CLSTN2: variants seen among roughly 807,000 people sequenced by gnomAD.
CLSTN2 encodes calsyntenin-2.
A neutral mutation model predicts 101.2 loss-of-function variants in CLSTN2; 48 were observed. That is an observed-to-expected ratio of 0.47 (90% CI 0.38 to 0.60). The LOEUF (loss-of-function observed/expected upper bound fraction) is 0.60, where lower values mean the gene tolerates loss of function less well. Among genes scored for constraint, CLSTN2 ranks in the 20% least tolerant of loss-of-function variants. The pLI, the probability that CLSTN2 is intolerant of heterozygous loss-of-function variation, is 0.00. For missense variants in CLSTN2, 1,160 were observed against 1,238.2 expected, an observed-to-expected ratio of 0.94 and a Z score of 0.95; for synonymous variants, 481 against 463.6, an observed-to-expected ratio of 1.04 and a Z score of -0.48.
chr3:139,975,239 G>A (rs558854021), intron 1 of CLSTN2, among the ~76,000 whole-genome samples: 23 of 152,250 alleles, frequency 1.5e-4, no homozygotes, highest in African/African-American at 5.1e-4. Context: ...TGGGAGGTAG[G>A]GCTGAGGAAG....
chr3:140,539,678 T>C (rs349549), intron 9 of CLSTN2, among the ~76,000 whole-genome samples: 68,587 of 152,082 alleles, frequency 0.45, 17,749 homozygotes, highest in African/African-American at 0.73. Flanking sequence ...ACGCAGCCAG[T>C]GCAGTGCTGA....
intron 12 of CLSTN2, among the ~76,000 whole-genome samples, chr3:140,559,622 C>T (rs1935870207): frequency 6.6e-6 from 1 of 151,956 alleles, no homozygotes. Context: ...GGAAGAAAAC[C>T]TCCCTTTTGT....
At chr3:140,206,185 G>T (rs1341175181) in intron 2 of CLSTN2, among the ~76,000 whole-genome samples, 2 of 152,168 alleles carry the variant, frequency 1.3e-5, no homozygotes, top group Non-Finnish European at 2.9e-5. Context: ...AAGTTGGGAG[G>T]GTGTATTATC....
At chr3:140,224,775 C>CA (rs1489596824) in intron 2 of CLSTN2, among the ~76,000 whole-genome samples, 3 of 152,154 alleles carry the variant, frequency 2.0e-5, no homozygotes, top group African/African-American at 7.2e-5. Flanking sequence ...CACCATTCCC[C>CA]AAACTTATGT....
chr3:140,001,607 T>C (rs2006842137), intron 1 of CLSTN2, among the ~76,000 whole-genome samples: 1 of 152,194 alleles, frequency 6.6e-6, no homozygotes, highest in African/African-American at 2.4e-5. Flanking sequence ...CATTTATCCT[T>C]TGTGTTACAA....
rs185783837 is a variant in CLSTN2, at chr3:140,204,354, C to T, written c.232+28281C>T. On this transcript the variant is annotated intron_variant, in intron 2 of 16. Transcript: ENST00000458420. ...CTGTCCCTTTCTCTCCAAACTTGCA[C>T]GAGTTACTCACCCTTTCTCTGTGCC... Among the ~76,000 whole-genome samples the T allele has an allele frequency of 2.5e-4, 38 of 152,248 alleles. No individual in the cohort carries two copies. The East Asian group carries it at 6.8e-3, about 27-fold the overall frequency.
chr3:140,209,747 C>T (rs536208230), intron 2 of CLSTN2, among the ~76,000 whole-genome samples: 2 of 152,218 alleles, frequency 1.3e-5, no homozygotes, highest in Non-Finnish European at 2.9e-5. Flanking sequence ...GGGCTAGAAA[C>T]TGGAGAGGAC....
chr3:140,249,177 C>A (rs923816727), intron 2 of CLSTN2, among the ~76,000 whole-genome samples: 4 of 152,130 alleles, frequency 2.6e-5, no homozygotes, highest in African/African-American at 9.7e-5. Flanking sequence ...CCAGTGTAAG[C>A]CTTACTCTAA....
intron 2 of CLSTN2, among the ~76,000 whole-genome samples, chr3:140,398,568 A>G (rs1000333891): frequency 6.6e-5 from 10 of 152,196 alleles, no homozygotes; most frequent in African/African-American, 2.4e-4. Flanking sequence ...GACAGAGCAC[A>G]CTCAGAACCA....
intron 1 of CLSTN2, among the ~76,000 whole-genome samples, chr3:140,149,367 C>G (rs113766070): frequency 0.01 from 1,524 of 152,282 alleles, 17 homozygotes; most frequent in African/African-American, 0.035. Flanking sequence ...CTGAAATCAC[C>G]TTGTAGATAG....
intron 8 of CLSTN2, among the ~76,000 whole-genome samples, chr3:140,485,620 G>C (rs12633853): frequency 6.6e-6 from 1 of 152,026 alleles, no homozygotes; most frequent in Non-Finnish European, 1.5e-5. Context: ...CGAGCTTCCC[G>C]GCTGCTTTGT....
In CLSTN2 at chr3:140,459,767, CCGG is replaced by C. The variant is rs1355655181; in HGVS notation, c.1221_1222+1del. 6.2e-7 allele frequency: 1 copy of C among 1,611,588 alleles called. No homozygotes were observed. Among genetic ancestry groups the C allele is most frequent in the Non-Finnish European group, 8.5e-7 (1 of 1,179,268 alleles). ...ACCATCCTCTGCAACTCAGACAAAA[CCGG>C]TGAGTCTCTAGCCCAGCCCTTCCAC... On this transcript the variant is annotated splice_donor_variant and coding_sequence_variant, in exon 7 of 17. Transcript: ENST00000458420. LOFTEE classifies it high-confidence loss of function.
At chr3:140,055,622 A>G (rs577158969) in intron 1 of CLSTN2, among the ~76,000 whole-genome samples, 3 of 152,350 alleles carry the variant, frequency 2.0e-5, no homozygotes, top group African/African-American at 7.2e-5. Context: ...CAATAAAACT[A>G]AAGCGTTCAG....
chr3:140,029,306 C>G (rs371979252), intron 1 of CLSTN2, among the ~76,000 whole-genome samples: 51 of 152,092 alleles, frequency 3.4e-4, no homozygotes, highest in African/African-American at 1.1e-3. Context: ...TTTGCCAATT[C>G]TTTTCCTACA....
chr3:139,937,508 G>C (rs1935044623), intron 1 of CLSTN2, among the ~76,000 whole-genome samples: 1 of 151,412 alleles, frequency 6.6e-6, no homozygotes, highest in African/African-American at 2.4e-5. Flanking sequence ...AGGCCGAGGC[G>C]GGCGGATCAC....
chr3:140,143,871 T>G (rs2009740228), intron 1 of CLSTN2, among the ~76,000 whole-genome samples: 1 of 152,240 alleles, frequency 6.6e-6, no homozygotes, highest in South Asian at 2.1e-4. Flanking sequence ...GCTGTCTCAC[T>G]CACAAAGTGC....
intron 5 of CLSTN2, among the ~76,000 whole-genome samples, chr3:140,438,300 T>G (rs1293103681): frequency 6.6e-6 from 1 of 151,898 alleles, no homozygotes; most frequent in African/African-American, 2.4e-5. Flanking sequence ...GGTATCAGTG[T>G]ATTCAACAGA....
rs1425441461 is a variant in CLSTN2 at position 140,054,787 on chromosome 3, G to A, written c.109+119304G>A. On this transcript the variant is annotated intron_variant, in intron 1 of 16. Coordinates refer to ENST00000458420, the MANE Select transcript of CLSTN2 (RefSeq NM_022131.3). ...TACTGTTAACTGTTTATCAAAGGTA[G>A]ACTTTTTGGGGTAGGAAAAAGGAGA... Among the ~76,000 whole-genome samples the A allele has an allele frequency of 5.9e-5, 9 of 152,310 alleles. No homozygotes were observed. The East Asian group carries it at 1.5e-3, about 26-fold the overall frequency.
At chr3:140,550,026 A>G (rs1935674890) in intron 10 of CLSTN2, among the ~76,000 whole-genome samples, 1 of 150,768 alleles carries the variant, frequency 6.6e-6, no homozygotes, top group Admixed American at 6.6e-5. Flanking sequence ...TGATTTTCAT[A>G]GCACAATCCC....
Sources: gnomAD v4.1 joint callset for allele counts (sites outside exome capture counted in the v4.1 genomes callset) on GRCh38, gnomAD v4.1.1 for gene constraint, MANE v1.5 for transcripts, NCBI Gene and HGNC (gene_info 2026-07-23, HGNC 2026-07-21) for gene names.